The following TENM4 variants were observed in gnomAD, a reference collection of about 807,000 sequenced individuals.
TENM4 encodes teneurin transmembrane protein 4.
In TENM4, 82 loss-of-function variants were observed where a neutral mutation model predicts 243.3. That is an observed-to-expected ratio of 0.34 (90% CI 0.28 to 0.40). The LOEUF (loss-of-function observed/expected upper bound fraction) is 0.40, where lower values mean the gene tolerates loss of function less well. Ranked by LOEUF, TENM4 falls within the 10% of genes least tolerant of loss-of-function variation. The pLI is 1.00. For missense variants in TENM4, 3,138 were observed against 3,673.3 expected (o/e 0.85, Z 3.77); for synonymous variants, 1,412 against 1,456.3 (o/e 0.97, Z 0.69).
intron 6 of TENM4, among the ~76,000 whole-genome samples, chr11:78,973,196 T>C (rs1021995586): frequency 2.6e-5 from 4 of 152,258 alleles, no homozygotes; most frequent in Non-Finnish European, 4.4e-5. Flanking sequence ...CTTTTGGGTA[T>C]ACACCTAGGA....
At chr11:78,968,280 A>G (rs1857476512) in intron 6 of TENM4, among the ~76,000 whole-genome samples, 2 of 152,164 alleles carry the variant, frequency 1.3e-5, no homozygotes, top group African/African-American at 2.4e-5. Flanking sequence ...CCATGAGCCA[A>G]ATAAACCTAT....
intron 1 of TENM4, among the ~76,000 whole-genome samples, chr11:79,409,148 G>A (rs928245183): frequency 6.7e-6 from 1 of 149,992 alleles, no homozygotes; most frequent in Non-Finnish European, 1.5e-5. Flanking sequence ...GTGAGAGTTA[G>A]TGGTTTTAGA....
At chr11:78,827,090 T>G (rs542969523) in intron 12 of TENM4, among the ~76,000 whole-genome samples, 3 of 152,238 alleles carry the variant, frequency 2.0e-5, no homozygotes, top group Non-Finnish European at 4.4e-5. Context: ...TTTCTTAACT[T>G]TATTTAACAT....
chr11:79,405,407 T>C (rs939645759), intron 1 of TENM4, among the ~76,000 whole-genome samples: 5 of 151,978 alleles, frequency 3.3e-5, no homozygotes, highest in East Asian at 1.9e-4. Context: ...TTAGGTCTGA[T>C]TGATGCTCGT....
intron 19 of TENM4, among the ~76,000 whole-genome samples, chr11:78,740,914 A>G (rs1236568730): frequency 1.3e-5 from 2 of 152,244 alleles, no homozygotes; most frequent in Non-Finnish European, 2.9e-5. Context: ...AAGCCAGAGC[A>G]GATGCAAGTT....
chr11:79,285,472 G>A (rs1856234044), intron 2 of TENM4, among the ~76,000 whole-genome samples: 1 of 152,158 alleles, frequency 6.6e-6, no homozygotes, highest in African/African-American at 2.4e-5. Context: ...GTTAATCATA[G>A]TGTTGCCATA....
chr11:79,273,889 G>A (rs1361400795), intron 2 of TENM4, among the ~76,000 whole-genome samples: 1 of 152,238 alleles, frequency 6.6e-6, no homozygotes, highest in Non-Finnish European at 1.5e-5. Context: ...GCAAAGATCT[G>A]AGGGAGAATC....
At chr11:79,388,912 G>T (rs904551196) in intron 1 of TENM4, among the ~76,000 whole-genome samples, 1 of 152,166 alleles carries the variant, frequency 6.6e-6, no homozygotes, top group African/African-American at 2.4e-5. Context: ...TTCCCAGAGG[G>T]AACAGTGTGA....
At chr11:79,389,669 T>C (rs1466489050) in intron 1 of TENM4, among the ~76,000 whole-genome samples, 2 of 152,222 alleles carry the variant, frequency 1.3e-5, no homozygotes, top group African/African-American at 2.4e-5. Context: ...AATTTCATTG[T>C]AGGGAGCATG....
intron 11 of TENM4, among the ~76,000 whole-genome samples, chr11:78,854,613 T>C (rs1204659947): frequency 6.6e-6 from 1 of 152,186 alleles, no homozygotes; most frequent in African/African-American, 2.4e-5. Context: ...GCTGAGTCTG[T>C]ACCAGGACAA....
At chr11:79,113,392 G>GGTGTGTGTGTTT in intron 4 of TENM4, among the ~76,000 whole-genome samples, 1 of 145,082 alleles carries the variant, frequency 6.9e-6, no homozygotes, top group South Asian at 2.3e-4. Flanking sequence ...CTATTGGATT[G>GGTGTGTGTGTTT]GTGTGTGTGT....
chr11:78,663,911 G>C (rs1014994612), intron 32 of TENM4, among the ~76,000 whole-genome samples: 2 of 152,156 alleles, frequency 1.3e-5, no homozygotes, highest in African/African-American at 4.8e-5. Context: ...GTTGTCTGGG[G>C]CCCCCTCTCC....
chr11:79,011,516 C>T (rs1296543977), intron 6 of TENM4, among the ~76,000 whole-genome samples: 1 of 152,150 alleles, frequency 6.6e-6, no homozygotes, highest in Non-Finnish European at 1.5e-5. Flanking sequence ...GACTGACCTC[C>T]CTGAGGTTCT....
At chr11:78,739,760 A>C (rs945169709) in intron 19 of TENM4, among the ~76,000 whole-genome samples, 5 of 152,192 alleles carry the variant, frequency 3.3e-5, no homozygotes, top group African/African-American at 9.6e-5. Flanking sequence ...GTGATTTTGA[A>C]GGCAACTCTG....
intron 2 of TENM4, among the ~76,000 whole-genome samples, chr11:79,296,194 C>A (rs1856450279): frequency 6.6e-6 from 1 of 152,198 alleles, no homozygotes. Flanking sequence ...TAATCCACAG[C>A]ATTCTCTGTG....
intron 1 of TENM4, among the ~76,000 whole-genome samples, chr11:79,364,411 C>T (rs1404943333): frequency 1.3e-5 from 2 of 152,088 alleles, no homozygotes; most frequent in African/African-American, 2.4e-5. Flanking sequence ...TTTCCCTGCC[C>T]AAGTCTGATT....
chr11:79,316,454 G>A (rs1406901191), intron 1 of TENM4, among the ~76,000 whole-genome samples: 1 of 152,224 alleles, frequency 6.6e-6, no homozygotes, highest in Non-Finnish European at 1.5e-5. Flanking sequence ...GTATGGACAA[G>A]TGAGTCTGTG....
chr11:78,884,320 T>A (rs1281315167), intron 9 of TENM4, among the ~76,000 whole-genome samples: 1 of 152,198 alleles, frequency 6.6e-6, no homozygotes, highest in Non-Finnish European at 1.5e-5. Context: ...AATGGGACAG[T>A]CTTTCCAGCC....
At chr11:78,922,271 G>T (rs906467673) in intron 6 of TENM4, among the ~76,000 whole-genome samples, 2 of 152,216 alleles carry the variant, frequency 1.3e-5, no homozygotes, top group African/African-American at 2.4e-5. Flanking sequence ...CAGGCAGGCA[G>T]AAAATAATAG....
Sources: gnomAD v4.1 joint callset for allele counts (sites outside exome capture counted in the v4.1 genomes callset) on GRCh38, gnomAD v4.1.1 for gene constraint, MANE v1.5 for transcripts, NCBI Gene and HGNC (gene_info 2026-07-23, HGNC 2026-07-21) for gene names.